The following FETUB variants were observed in gnomAD, a reference collection of about 807,000 sequenced individuals.
FETUB encodes the protein fetuin B.
FETUB carries 28 observed loss-of-function variants against 30.9 expected under a neutral mutation model. That is an observed-to-expected ratio of 0.90 (90% CI 0.67 to 1.24). The LOEUF (loss-of-function observed/expected upper bound fraction) is 1.24. Among genes scored for constraint, FETUB ranks in the 50% most tolerant of loss-of-function variants. The probability of loss-of-function intolerance (pLI) is 0.00; values close to 1 mark genes in which losing one functional copy is unlikely to be tolerated. For synonymous variants in FETUB, 186 were observed against 175.9 expected (o/e 1.06, Z -0.45); for missense variants, 469 against 455.3 (o/e 1.03, Z -0.27).
At chr3:186,639,264 A>G (rs1174420628), upstream of FETUB, among the ~76,000 whole-genome samples, 1 of 152,230 alleles carries the variant, frequency 6.6e-6, no homozygotes, top group Non-Finnish European at 1.5e-5. Context: ...AGATAATGGC[A>G]TATTCCATTC....
At position 186,652,270 on chromosome 3, in the gene FETUB, C is replaced by A. The variant is rs370905116; in HGVS notation, c.788C>A (p.Ala263Asp). 2 of 1,543,142 alleles carry A rather than the reference C, an allele frequency of 1.3e-6. No individual in the cohort carries two copies. Among genetic ancestry groups the A allele is most frequent in the East Asian group, 2.2e-5 (1 of 44,478 alleles). The change falls in exon 7 of 7, where the codon GCC becomes GAC. Residue 263 changes from alanine to aspartate, a missense_variant. Transcript: ENST00000265029. ...AAAATGTTCTCATTCCAGGCTCCAGCCACTGGAAGTGAAAACTCTGCTGTT... is the reference window on the plus strand; with the variant it reads ...AAAATGTTCTCATTCCAGGCTCCAGACACTGGAAGTGAAAACTCTGCTGTT... ...TCDFFESQAP[A>D]TGSENSAVNQ...
At chr3:186,638,851 T>G (rs1401007522), upstream of FETUB, among the ~76,000 whole-genome samples, 1 of 152,236 alleles carries the variant, frequency 6.6e-6, no homozygotes, top group Non-Finnish European at 1.5e-5. Context: ...TGGCTGAAGC[T>G]AAACCTTTGT....
chr3:186,649,676 G>A (rs1018840763), intron 5 of FETUB, among the ~76,000 whole-genome samples: 1 of 152,096 alleles, frequency 6.6e-6, no homozygotes, highest in African/African-American at 2.4e-5. Context: ...TCACCCTGTT[G>A]ACCAGGCTGG....
At chr3:186,645,711 C>A (rs1717450368) in intron 4 of FETUB, among the ~76,000 whole-genome samples, 1 of 150,098 alleles carries the variant, frequency 6.7e-6, no homozygotes, top group African/African-American at 2.5e-5. Context: ...TGTTTAGGGC[C>A]CATTCAAATC....
intron 6 of FETUB, chr3:186,651,814 T>A (rs1718063662): frequency 5.9e-6 from 1 of 169,540 alleles, no homozygotes; most frequent in African/African-American, 2.4e-5. Context: ...ACTTACCTGT[T>A]CGAGTTTTGG....
At chr3:186,651,448 T>C in intron 6 of FETUB, 147 bp downstream of exon 6, 1 of 648,352 alleles carries the variant, frequency 1.5e-6, no homozygotes, top group East Asian at 2.8e-5. Flanking sequence ...ATCCACAGGA[T>C]AGCCAGTCAA....
rs765357097 is a variant in FETUB, at chr3:186,640,572, GACTCAGATGTGCTGGC to G, written c.114_129del (p.Asp38GlufsTer20). On this transcript the variant is annotated frameshift_variant, in exon 1 of 7. Coordinates refer to ENST00000265029, the MANE Select transcript of FETUB (RefSeq NM_014375.3). LOFTEE classifies it high-confidence loss of function. ...GGCTCTGCTCTCCCGGGGCTGCAAT[GACTCAGATGTGCTGGC>G]AGTTGCAGGCTTTGCCCTGCGGGAT... 472 of 1,614,082 alleles carry G rather than the reference GACTCAGATGTGCTGGC, an allele frequency of 2.9e-4. No individual in the cohort carries two copies. The highest frequency in any genetic ancestry group is 3.9e-4 in the Non-Finnish European group (459 of 1,180,016).
upstream of FETUB, among the ~76,000 whole-genome samples, chr3:186,638,932 C>T (rs1226468605): frequency 6.6e-6 from 1 of 152,190 alleles, no homozygotes; most frequent in East Asian, 1.9e-4. Context: ...GAAAACAATG[C>T]CTACAGCCCA....
chr3:186,640,752 G>A, intron 1 of FETUB, 67 bp downstream of exon 1: 2 of 1,334,232 alleles, frequency 1.5e-6, no homozygotes, highest in Non-Finnish European at 1.1e-6. Context: ...GCCAGGGTGA[G>A]GGAACCCAGA....
intron 4 of FETUB, among the ~76,000 whole-genome samples, chr3:186,645,500 T>C (rs1190855052): frequency 2.0e-5 from 3 of 152,084 alleles, no homozygotes; most frequent in Non-Finnish European, 4.4e-5. Flanking sequence ...GCTAATTTTA[T>C]ATTTTTTGTA....
intron 6 of FETUB, 72 bp downstream of exon 6, chr3:186,651,373 T>C (rs994420859): frequency 5.1e-6 from 5 of 987,056 alleles, no homozygotes; most frequent in Non-Finnish European, 8.0e-6. Flanking sequence ...GCCACTACCT[T>C]ACCCCCTCCT....
chr3:186,646,416 T>G lies in FETUB; in HGVS notation c.696+67T>G, dbSNP rs148820510. Reference sequence around the variant, plus strand: ...ATCATCTCTAAGTGTTTGTGGAGCATAAATTACATATGAGGTGTCATAAGG... The same window carrying G: ...ATCATCTCTAAGTGTTTGTGGAGCAGAAATTACATATGAGGTGTCATAAGG... On this transcript the variant is annotated intron_variant, in intron 5 of 6. Coordinates refer to ENST00000265029, the MANE Select transcript of FETUB (RefSeq NM_014375.3). 9.5e-5 allele frequency: 111 copies of G among 1,166,806 alleles called. No homozygotes were observed. The East Asian group carries it at 2.4e-3, about 26-fold the overall frequency. The allele number at this position is 1,166,806 out of a possible 1,614,324, so 72.3% of individuals were successfully genotyped here. A position where few individuals can be genotyped will look rare whatever the true frequency, so the allele number is the denominator to read the frequency against.
intron 1 of FETUB, 122 bp downstream of exon 1, chr3:186,640,807 C>T (rs766655964): frequency 6.1e-6 from 5 of 825,348 alleles, no homozygotes; most frequent in East Asian, 2.5e-5. Context: ...CTGCCGAGAA[C>T]TCTCTGTTCT....
At chr3:186,641,583 T>A (rs1717060323) in intron 2 of FETUB, 1 of 153,674 alleles carries the variant, frequency 6.5e-6, no homozygotes, top group Non-Finnish European at 1.4e-5. Context: ...AATGGATGAC[T>A]TGCAGTATGA....
chr3:186,647,020 C>T (rs1717599974), intron 5 of FETUB: 1 of 152,226 alleles, frequency 6.6e-6, no homozygotes, highest in Admixed American at 6.5e-5. Context: ...GCCACCTTAC[C>T]AAGCCCCTGG....
At chr3:186,651,601 C>T (rs769386642) in intron 6 of FETUB, 1 of 358,586 alleles carries the variant, frequency 2.8e-6, no homozygotes, top group East Asian at 5.6e-5. Flanking sequence ...TTACCTCAAG[C>T]CACAGGGAGA....
Position 186,652,624 on chromosome 3 carries a change from C to A in FETUB, c.1142C>A (p.Pro381Gln). 2.5e-6 allele frequency: 4 copies of A among 1,602,452 alleles called. No homozygotes were observed. Among genetic ancestry groups the A allele is most frequent in the Non-Finnish European group, 2.6e-6 (3 of 1,175,790 alleles). ...PAQNASPLVLPP is the reference protein window; with the variant it reads ...PAQNASPLVLQP ...CAGAATGCCAGCCCTCTTGTCCTTCCGCCATGAGAATCACACAGAGTCTTC... is the reference window on the plus strand; with the variant it reads ...CAGAATGCCAGCCCTCTTGTCCTTCAGCCATGAGAATCACACAGAGTCTTC... Residue 381 changes from proline to glutamine, a missense_variant, in exon 7 of 7, where the codon CCG (proline) becomes CAG (glutamine). Coordinates refer to ENST00000265029, the MANE Select transcript of FETUB (RefSeq NM_014375.3).
intron 1 of FETUB, 47 bp downstream of exon 1, chr3:186,640,732 G>A (rs1348153866): frequency 1.3e-6 from 2 of 1,490,368 alleles, no homozygotes. Context: ...TGGGCAAGCT[G>A]GAGAGACTGG....
chr3:186,644,735 T>C lies in FETUB; in HGVS notation c.425-16T>C. 6.3e-7 allele frequency: 1 copy of C among 1,582,716 alleles called. No homozygotes were observed. The highest frequency in any genetic ancestry group is 8.6e-7 in the Non-Finnish European group (1 of 1,167,694). On this transcript the variant is annotated splice_polypyrimidine_tract_variant and intron_variant, in intron 3 of 6. Transcript: ENST00000265029. ...AATTAATAGCATTTAAAAACTTATG[T>C]TATTGGCATCAACAGTTTCAAAAAA...
Sources: gnomAD v4.1 joint callset for allele counts (sites outside exome capture counted in the v4.1 genomes callset) on GRCh38, gnomAD v4.1.1 for gene constraint, MANE v1.5 for transcripts, NCBI Gene and HGNC (gene_info 2026-07-23, HGNC 2026-07-21) for gene names.